Variants in MGAT5B observed in about 807,000 individuals in gnomAD.
The protein encoded by MGAT5B is N-acetylglucosaminyl-transferase Vb.
MGAT5B carries 54 observed loss-of-function variants against 95.1 expected under a neutral mutation model. That is an observed-to-expected ratio of 0.57 (90% confidence interval 0.46 to 0.71). The LOEUF (loss-of-function observed/expected upper bound fraction) is 0.71, where lower values mean the gene tolerates loss of function less well. Among genes scored for constraint, MGAT5B ranks in the 30% least tolerant of loss-of-function variants. The pLI is 0.00. For missense variants in MGAT5B, 935 were observed against 1,088.6 expected, an observed-to-expected ratio of 0.86 and a Z score of 1.99; for synonymous variants, 464 against 451.0, an observed-to-expected ratio of 1.03 and a Z score of -0.36.
At chr17:76,898,674 G>A (rs1461469566) in intron 3 of MGAT5B, among the ~76,000 whole-genome samples, 1 of 152,144 alleles carries the variant, frequency 6.6e-6, no homozygotes. Flanking sequence ...ATTGCACATA[G>A]CAGTAGCTTA....
intron 2 of MGAT5B, among the ~76,000 whole-genome samples, chr17:76,878,737 A>G (rs1395296381): frequency 1.3e-5 from 2 of 152,228 alleles, no homozygotes; most frequent in Non-Finnish European, 2.9e-5. Context: ...GGCCTCCCCA[A>G]GTGCTGAGAT....
intron 3 of MGAT5B, among the ~76,000 whole-genome samples, chr17:76,898,144 A>C (rs973185420): frequency 3.3e-5 from 5 of 152,140 alleles, no homozygotes; most frequent in African/African-American, 1.2e-4. Context: ...GGAGTTTTAC[A>C]TATGGACAGA....
chr17:76,875,253 C>T (rs1280195872), intron 2 of MGAT5B, among the ~76,000 whole-genome samples: 3 of 152,164 alleles, frequency 2.0e-5, no homozygotes, highest in Non-Finnish European at 4.4e-5. Context: ...CCCATAATCT[C>T]CACCTCTTGT....
chr17:76,869,132 G>C lies in MGAT5B; in HGVS notation c.68+35G>C. ...CCTCCTGGTTGGTTTTTTCCCCAGGGGGGCGCCGGGTGGAGGTGGGCGAGG... is the reference window on the plus strand; with the variant it reads ...CCTCCTGGTTGGTTTTTTCCCCAGGCGGGCGCCGGGTGGAGGTGGGCGAGG... On this transcript the variant is annotated intron_variant, in intron 1 of 17. Coordinates refer to ENST00000569840, the MANE Select transcript of MGAT5B (RefSeq NM_001199172.2). The surrounding 1 kb of genome is among the most constrained non-coding windows in gnomAD (Gnocchi z 7.0). The C allele has an allele frequency of 1.3e-6, 2 of 1,596,632 alleles. No homozygotes were observed. Among genetic ancestry groups the C allele is most frequent in the Non-Finnish European group, 1.7e-6 (2 of 1,164,216 alleles).
At chr17:76,942,602 G>T (rs565375080) in intron 15 of MGAT5B, among the ~76,000 whole-genome samples, 1 of 152,330 alleles carries the variant, frequency 6.6e-6, no homozygotes, top group South Asian at 2.1e-4. Context: ...TATTTGACTG[G>T]TACCAGCTTA....
At position 76,914,940 on chromosome 17, in the gene MGAT5B, G is replaced by T. The variant is rs1490212049; in HGVS notation, c.1025+8753G>T. 1.3e-5 allele frequency among the ~76,000 whole-genome samples: 2 copies of T among 152,072 alleles called. No homozygotes were observed. Among genetic ancestry groups the T allele is most frequent in the African/African-American group, 4.8e-5 (2 of 41,410 alleles). ...GGCGTGAGCCACTGCCCCCGGCCACGTTTCTTCTTTTTATAAGGACACCAG... is the reference window on the plus strand; with the variant it reads ...GGCGTGAGCCACTGCCCCCGGCCACTTTTCTTCTTTTTATAAGGACACCAG... On this transcript the variant is annotated intron_variant, in intron 8 of 17. Coordinates refer to ENST00000569840, the MANE Select transcript of MGAT5B (RefSeq NM_001199172.2). The surrounding 1 kb of genome is among the most constrained non-coding windows in gnomAD (Gnocchi z 5.1).
intron 2 of MGAT5B, among the ~76,000 whole-genome samples, chr17:76,880,460 A>G (rs2145130389): frequency 6.6e-6 from 1 of 152,266 alleles, no homozygotes; most frequent in Non-Finnish European, 1.5e-5. Flanking sequence ...GGGCAGAACC[A>G]AAGCAGAGGT....
At position 76,870,476 on chromosome 17, in the gene MGAT5B, C is replaced by CCTTCT. The variant is rs71158081; in HGVS notation, c.68+1383_68+1384insTCTTC. On this transcript the variant is annotated intron_variant, in intron 1 of 17. Transcript: ENST00000569840. The surrounding 1 kb of genome is among the most constrained non-coding windows in gnomAD (Gnocchi z 5.0). Reference sequence around the variant, plus strand: ...CTGGGAACGCTGGAGGGTCCTCGCCCCTTCCGACCCCATCCCTGTCCCGCC... The same window carrying CCTTCT: ...CTGGGAACGCTGGAGGGTCCTCGCCCCTTCTCTTCCGACCCCATCCCTGTCCCGCC... Among the ~76,000 whole-genome samples, 78,739 of 151,448 alleles carry CCTTCT rather than the reference C, an allele frequency of 0.52. 22,010 individuals are homozygous for CCTTCT. The highest frequency in any genetic ancestry group is 0.97 in the East Asian group (4,908 of 5,076).
At chr17:76,887,517 CCCTCCCTCCCTCCCTTCCTT>C (rs1967696587) in intron 3 of MGAT5B, among the ~76,000 whole-genome samples, 1 of 77,598 alleles carries the variant, frequency 1.3e-5, no homozygotes, top group Non-Finnish European at 2.1e-5. Flanking sequence ...CTCCCTCCCT[CCCTCCCTCCCTCCCTTCCTT>C]CCTTCCTTTC....
chr17:76,878,990 G>A lies in MGAT5B; in HGVS notation c.182-3161G>A, dbSNP rs1024027246. On this transcript the variant is annotated intron_variant, in intron 2 of 17. Coordinates refer to ENST00000569840, the MANE Select transcript of MGAT5B (RefSeq NM_001199172.2). ...CGCAGCAGAGCGGGCCTGGAGTCCA[G>A]GCTTCTGCCCCATCCCCCTTGACTG... is the stretch of plus-strand genomic sequence containing the variant. Among the ~76,000 whole-genome samples the A allele has an allele frequency of 5.3e-5, 7 of 132,158 alleles. No individual in the cohort carries two copies. In the South Asian group the frequency reaches 7.0e-4, roughly 13 times the overall value. 86.7% of individuals were successfully genotyped at this position (132,158 alleles called of 152,430 possible). A position where few individuals can be genotyped will look rare whatever the true frequency, so the allele number is the denominator to read the frequency against.
chr17:76,949,050 C>T lies in MGAT5B; in HGVS notation c.*212C>T, dbSNP rs935913592. ...GCCCCTGGGACCTCCCAGGCAGGCT[C>T]CGGTTCTCTCCTGGGGACTCACAGA... On this transcript the variant is annotated 3_prime_UTR_variant, in exon 18 of 18. Coordinates refer to ENST00000569840, the MANE Select transcript of MGAT5B (RefSeq NM_001199172.2). 1.1e-5 allele frequency: 7 copies of T among 609,822 alleles called. No individual in the cohort carries two copies. Among genetic ancestry groups the T allele is most frequent in the Non-Finnish European group, 2.0e-5 (7 of 357,986 alleles). 37.8% of individuals were successfully genotyped at this position (609,822 alleles called of 1,614,324 possible).
intron 15 of MGAT5B, among the ~76,000 whole-genome samples, chr17:76,945,490 C>T (rs12451777): frequency 0.37 from 56,537 of 151,832 alleles, 10,846 homozygotes; most frequent in East Asian, 0.56. Context: ...GGTTTCACCA[C>T]GTTGGCCAGG....
Position 76,928,200 on chromosome 17 carries a change from C to T in MGAT5B, c.1291+1470C>T, listed in dbSNP as rs570438186. Reference sequence around the variant, plus strand: ...CACACAGCTCAGTCGGGACCAGACTCCTTCTGCAGGGCCCGTTTCAAGGTT... The same window carrying T: ...CACACAGCTCAGTCGGGACCAGACTTCTTCTGCAGGGCCCGTTTCAAGGTT... On this transcript the variant is annotated intron_variant, in intron 10 of 17. Coordinates refer to ENST00000569840, the MANE Select transcript of MGAT5B (RefSeq NM_001199172.2). Among the ~76,000 whole-genome samples the T allele has an allele frequency of 3.3e-5, 5 of 152,180 alleles. No individual in the cohort carries two copies. In the East Asian group the frequency reaches 5.8e-4, roughly 18 times the overall value.
rs568724596 is a variant in MGAT5B, at chr17:76,932,834, G to A, written c.1422+59G>A. ...CCTGCTCGGCACAGGCCCCCGCCTGGGTCCCGCATCTCCTCCTTCCAGGAT... is the reference window on the plus strand; with the variant it reads ...CCTGCTCGGCACAGGCCCCCGCCTGAGTCCCGCATCTCCTCCTTCCAGGAT... On this transcript the variant is annotated intron_variant, in intron 11 of 17. Coordinates refer to ENST00000569840, the MANE Select transcript of MGAT5B (RefSeq NM_001199172.2). The A allele has an allele frequency of 1.1e-5, 17 of 1,590,722 alleles. No individual in the cohort carries two copies. In the Admixed American group the frequency reaches 1.7e-4, roughly 16 times the overall value.
intron 3 of MGAT5B, among the ~76,000 whole-genome samples, chr17:76,884,421 T>TTTTA (rs1163340561): frequency 5.4e-4 from 81 of 149,164 alleles, no homozygotes; most frequent in African/African-American, 1.9e-3. Context: ...TTCTAAGAGG[T>TTTTA]TTTATTTATT....
chr17:76,920,980 G>C (rs927887389), intron 8 of MGAT5B, among the ~76,000 whole-genome samples: 1 of 152,196 alleles, frequency 6.6e-6, no homozygotes, highest in African/African-American at 2.4e-5. Context: ...AAGATGACCT[G>C]ACCCTGCCCT....
At position 76,905,933 on chromosome 17, in the gene MGAT5B, G is replaced by C; in HGVS notation, c.856-85G>C. The C allele has an allele frequency of 1.4e-6, 2 of 1,429,016 alleles. No homozygotes were observed. Among genetic ancestry groups the C allele is most frequent in the Admixed American group, 2.4e-5 (1 of 40,854 alleles). The allele number at this position is 1,429,016 out of a possible 1,614,324, so 88.5% of individuals were successfully genotyped here. On this transcript the variant is annotated intron_variant, in intron 7 of 17. Transcript: ENST00000569840. The surrounding 1 kb of genome is among the most constrained non-coding windows in gnomAD (Gnocchi z 4.2). ...AGCCTGGAGACAGGGTCTGCTGCCG[G>C]CTGGTCTCCTGGCCGGTGCCCCGGG...
chr17:76,932,077 CCTCCTCCT>C (rs1969501295), intron 10 of MGAT5B, among the ~76,000 whole-genome samples: 2 of 88,846 alleles, frequency 2.3e-5, no homozygotes, highest in Admixed American at 2.7e-4. Flanking sequence ...TCCTCCTCCT[CCTCCTCCT>C]CCCCCCCCCC....
chr17:76,873,805 G>A (rs1967088999), intron 2 of MGAT5B, among the ~76,000 whole-genome samples: 1 of 152,226 alleles, frequency 6.6e-6, no homozygotes, highest in South Asian at 2.1e-4. Flanking sequence ...ACTGAGGCAA[G>A]TAGGTTTCTG....
Sources: allele counts gnomAD v4.1 joint callset (sites outside exome capture counted in the v4.1 genomes callset), GRCh38; gene constraint gnomAD v4.1.1; non-coding constraint Gnocchi (gnomAD v3.1); transcripts MANE v1.5; gene names NCBI Gene and HGNC (gene_info 2026-07-23, HGNC 2026-07-21).